TANGO6: variants seen among roughly 807,000 people sequenced by gnomAD.
TANGO6 encodes the protein transport and golgi organization 6 homolog.
In TANGO6, 90 loss-of-function variants were observed where a neutral mutation model predicts 114.2. The observed-to-expected ratio is 0.79, with a 90% confidence interval of 0.66 to 0.94. The LOEUF (loss-of-function observed/expected upper bound fraction) is 0.94. Among genes scored for constraint, TANGO6 ranks in the 40% least tolerant of loss-of-function variants. The pLI is 0.00. For missense variants in TANGO6, 1,274 were observed against 1,315.3 expected (o/e 0.97, Z 0.49); for synonymous variants, 477 against 509.8 (o/e 0.94, Z 0.87).
At chr16:68,904,735 T>C (rs942353554) in intron 9 of TANGO6, among the ~76,000 whole-genome samples, 2 of 152,152 alleles carry the variant, frequency 1.3e-5, no homozygotes, top group Non-Finnish European at 2.9e-5. Flanking sequence ...TTCACATTAT[T>C]TTAGTGTTTT....
chr16:68,954,399 G>A (rs1963505783), intron 14 of TANGO6, among the ~76,000 whole-genome samples: 1 of 152,126 alleles, frequency 6.6e-6, no homozygotes, highest in Admixed American at 6.5e-5. Flanking sequence ...GAGGGGCATG[G>A]GTGAGTGGGT....
At chr16:69,018,767 TA>T (rs1315023204) in intron 15 of TANGO6, among the ~76,000 whole-genome samples, 1 of 151,110 alleles carries the variant, frequency 6.6e-6, no homozygotes, top group Non-Finnish European at 1.5e-5. Context: ...CTAAAAATAT[TA>T]AAAAGAAAAT....
chr16:69,083,103 T>C (rs1960490160), intron 17 of TANGO6, among the ~76,000 whole-genome samples: 1 of 149,462 alleles, frequency 6.7e-6, no homozygotes, highest in African/African-American at 2.5e-5. Flanking sequence ...TTCTTTTTTT[T>C]TTTTTTTTTT....
chr16:68,872,825 T>G (rs943489602), intron 4 of TANGO6, among the ~76,000 whole-genome samples: 1 of 151,752 alleles, frequency 6.6e-6, no homozygotes, highest in Non-Finnish European at 1.5e-5. Flanking sequence ...GCTTCCCGAG[T>G]AGCTGGGACT....
intron 1 of TANGO6, among the ~76,000 whole-genome samples, chr16:68,845,873 G>A (rs1567521831): frequency 6.6e-6 from 1 of 151,318 alleles, no homozygotes; most frequent in Non-Finnish European, 1.5e-5. Flanking sequence ...TTTTTTTTGA[G>A]ACAGAGTTTC....
intron 1 of TANGO6, 103 bp from the exon 2 acceptor site, chr16:68,859,781 G>GC: frequency 3.8e-6 from 5 of 1,321,524 alleles, no homozygotes; most frequent in Non-Finnish European, 5.0e-6. Context: ...TGACAGTGGC[G>GC]CCCGGCCTGC....
Position 68,892,215 on chromosome 16 carries a change from C to T in TANGO6, c.1378-8219C>T, listed in dbSNP as rs575809221. On this transcript the variant is annotated intron_variant, in intron 7 of 17. Coordinates refer to ENST00000261778, the MANE Select transcript of TANGO6 (RefSeq NM_024562.2). Reference sequence around the variant, plus strand: ...CAAAGAGTTACAGTAGTGTGTGGGCCATAGCTAAGATCATCCTATCGCTTA... The same window carrying T: ...CAAAGAGTTACAGTAGTGTGTGGGCTATAGCTAAGATCATCCTATCGCTTA... 3.9e-5 allele frequency among the ~76,000 whole-genome samples: 6 copies of T among 152,304 alleles called. No homozygotes were observed. In the South Asian group the frequency reaches 1.2e-3, roughly 32 times the overall value.
chr16:68,861,396 C>A (rs1567525884), intron 2 of TANGO6, among the ~76,000 whole-genome samples: 1 of 152,226 alleles, frequency 6.6e-6, no homozygotes, highest in Non-Finnish European at 1.5e-5. Context: ...CTCTCTCCTG[C>A]CTACATTCAT....
chr16:68,978,783 C>T (rs557046068), intron 15 of TANGO6, among the ~76,000 whole-genome samples: 2 of 152,004 alleles, frequency 1.3e-5, no homozygotes, highest in South Asian at 2.1e-4. Context: ...TGTTACCTCT[C>T]CACATCATGC....
At chr16:68,975,784 TG>T (rs1963760042) in intron 15 of TANGO6, among the ~76,000 whole-genome samples, 1 of 152,038 alleles carries the variant, frequency 6.6e-6, no homozygotes, top group Non-Finnish European at 1.5e-5. Context: ...CTCAAACTCC[TG>T]GGCTCAAGCA....
intron 7 of TANGO6, chr16:68,885,703 G>A (rs886296517): frequency 6.6e-6 from 1 of 152,272 alleles, no homozygotes; most frequent in Admixed American, 6.5e-5. Context: ...TTGTATTGCA[G>A]CATGAAGCAG....
chr16:68,874,944 C>T (rs977138247), intron 4 of TANGO6, among the ~76,000 whole-genome samples: 3 of 150,670 alleles, frequency 2.0e-5, no homozygotes, highest in East Asian at 1.9e-4. Flanking sequence ...AACAAGACTC[C>T]GTCTCAAAAA....
chr16:68,905,963 G>A (rs971417686), intron 9 of TANGO6, among the ~76,000 whole-genome samples: 2 of 152,060 alleles, frequency 1.3e-5, no homozygotes, highest in African/African-American at 4.8e-5. Flanking sequence ...GGCAGATCAC[G>A]AGGTCAGAAG....
At chr16:69,051,699 C>G (rs1233052509) in intron 17 of TANGO6, among the ~76,000 whole-genome samples, 1 of 151,162 alleles carries the variant, frequency 6.6e-6, no homozygotes, top group Admixed American at 6.6e-5. Context: ...ACAAAAAATA[C>G]AAAAATTAGC....
intron 12 of TANGO6, among the ~76,000 whole-genome samples, chr16:68,923,024 C>T (rs1348160093): frequency 6.8e-6 from 1 of 147,714 alleles, no homozygotes; most frequent in Non-Finnish European, 1.5e-5. Flanking sequence ...CTCGGCTCAC[C>T]GCAACCTCCG....
At chr16:68,874,603 T>C (rs1379023390) in intron 4 of TANGO6, among the ~76,000 whole-genome samples, 1 of 152,172 alleles carries the variant, frequency 6.6e-6, no homozygotes, top group Non-Finnish European at 1.5e-5. Context: ...ATAATATCAT[T>C]ATAGTGACTA....
chr16:68,914,915 GT>G (rs1164005525), intron 11 of TANGO6, among the ~76,000 whole-genome samples: 4 of 148,852 alleles, frequency 2.7e-5, no homozygotes, highest in African/African-American at 9.9e-5. Flanking sequence ...AACATAGAAA[GT>G]GTCTATTTTA....
chr16:68,923,192 A>G (rs532434524), intron 12 of TANGO6, among the ~76,000 whole-genome samples: 10 of 150,934 alleles, frequency 6.6e-5, no homozygotes, highest in Non-Finnish European at 1.5e-4. Flanking sequence ...TCCTGACCTC[A>G]GGTGATCTGC....
intron 14 of TANGO6, among the ~76,000 whole-genome samples, chr16:68,949,519 G>T (rs1963449520): frequency 6.6e-6 from 1 of 152,070 alleles, no homozygotes; most frequent in Non-Finnish European, 1.5e-5. Context: ...TACTTGGGAG[G>T]CTGAGGCAGG....
Sources: gnomAD v4.1 joint callset for allele counts (sites outside exome capture counted in the v4.1 genomes callset) on GRCh38, gnomAD v4.1.1 for gene constraint, MANE v1.5 for transcripts, NCBI Gene and HGNC (gene_info 2026-07-23, HGNC 2026-07-21) for gene names.